The following TENM1 variants were observed in gnomAD, a reference collection of about 807,000 sequenced individuals.
TENM1 encodes teneurin-1.
Under a neutral mutation model 174.8 loss-of-function variants are expected in TENM1, and 35 were observed. That is an observed-to-expected ratio of 0.20 (90% CI 0.15 to 0.27). TENM1 has a LOEUF of 0.27. TENM1 is among the 10% of genes least tolerant of loss of function. The pLI, the probability that TENM1 is intolerant of heterozygous loss-of-function variation, is 1.00. For synonymous variants in TENM1, 781 were observed against 798.7 expected (o/e 0.98, Z 0.37); for missense variants, 1,633 against 2,130.1 (o/e 0.77, Z 4.59).
At chrX:124,939,156 C>G (rs1401233122) in intron 1 of TENM1, among the ~76,000 whole-genome samples, 4 of 112,086 alleles carry the variant, frequency 3.6e-5, no homozygotes, top group Admixed American at 9.5e-5. Flanking sequence ...GACATTACAA[C>G]ACCTTTGACT....
the TENM1 span, among the ~76,000 whole-genome samples, chrX:125,158,352 A>G: frequency 2.1e-5 from 2 of 97,256 alleles, no homozygotes; most frequent in African/African-American, 3.8e-5. Context: ...GCAGTGAGCC[A>G]AGATCATGCC....
In TENM1 at chrX:124,895,922, A is replaced by C. The variant is rs1270314390; in HGVS notation, c.478+59T>G. On this transcript the variant is annotated intron_variant, in intron 2 of 31. Coordinates refer to ENST00000422452, the Ensembl canonical transcript of TENM1. ...CAGATATAGGGAAGGAGAACAAAGCAAAGGCTAAAAACTGCATTCTTTCTG... is the reference window on the plus strand; with the variant it reads ...CAGATATAGGGAAGGAGAACAAAGCCAAGGCTAAAAACTGCATTCTTTCTG... The C allele has an allele frequency of 4.4e-5, 51 of 1,167,063 alleles. No homozygotes were observed. In the South Asian group the frequency reaches 8.7e-4, roughly 20 times the overall value.
chrX:124,380,755 G>A lies in TENM1; in HGVS notation c.7980C>T (p.Arg2660=), dbSNP rs139883667. The stretch of plus-strand genomic sequence containing the variant: ...CCTTAGTCCAGGCCTGGGCCACTGC[G>A]CGCTGTCTGGCAATCTCCAACACGT... The change falls in exon 32 of 32, where the codon CGC becomes CGT. Residue 2660 remains arginine, a synonymous_variant. Coordinates refer to ENST00000422452, the Ensembl canonical transcript of TENM1. 2.0e-4 allele frequency: 246 copies of A among 1,209,397 alleles called. No homozygotes were observed. The highest frequency in any genetic ancestry group is 2.0e-3 in the African/African-American group (112 of 57,164).
At chrX:124,785,150 T>C (rs2055005791) in intron 3 of TENM1, among the ~76,000 whole-genome samples, 1 of 111,645 alleles carries the variant, frequency 9.0e-6, no homozygotes, top group Non-Finnish European at 1.9e-5. Context: ...GAATAAAATG[T>C]AATGAATGAG....
At chrX:124,746,697 C>T (rs926117318) in intron 3 of TENM1, among the ~76,000 whole-genome samples, 6 of 111,793 alleles carry the variant, frequency 5.4e-5, no homozygotes, top group Admixed American at 9.5e-5. Flanking sequence ...CATGTAGCCT[C>T]AAACTATGTG....
chrX:124,575,971 C>A (rs760669163), intron 11 of TENM1, among the ~76,000 whole-genome samples: 1 of 111,987 alleles, frequency 8.9e-6, no homozygotes, highest in Non-Finnish European at 1.9e-5. Flanking sequence ...CCTCAAATGC[C>A]AAAGAATGTT....
chrX:124,587,321 G>A (rs1236698791), intron 11 of TENM1, among the ~76,000 whole-genome samples: 1 of 109,552 alleles, frequency 9.1e-6, no homozygotes, highest in Non-Finnish European at 1.9e-5. Context: ...AAACAGCATG[G>A]TACTGGTACC....
intron 23 of TENM1, among the ~76,000 whole-genome samples, chrX:124,446,845 A>T: frequency 8.9e-6 from 1 of 112,463 alleles, no homozygotes; most frequent in Non-Finnish European, 1.9e-5. Flanking sequence ...TTTGCTTGAA[A>T]AGTTTCAAAA....
At chrX:124,591,794 T>A (rs1260955407) in intron 11 of TENM1, among the ~76,000 whole-genome samples, 2 of 112,374 alleles carry the variant, frequency 1.8e-5, no homozygotes, top group Non-Finnish European at 3.8e-5. Flanking sequence ...AAGAAATATT[T>A]TTGAATTATT....
intron 11 of TENM1, among the ~76,000 whole-genome samples, chrX:124,620,427 G>A (rs763382867): frequency 1.2e-4 from 13 of 111,798 alleles, no homozygotes; most frequent in South Asian, 7.4e-4. Context: ...GCATCTTTCC[G>A]TTAATTCTGT....
At chrX:125,165,761 T>C in the TENM1 span, among the ~76,000 whole-genome samples, 2 of 111,750 alleles carry the variant, frequency 1.8e-5, no homozygotes, top group South Asian at 3.7e-4. Flanking sequence ...GTTCACTATA[T>C]AGTTTATCAC....
chrX:125,003,561 G>T, the TENM1 span, among the ~76,000 whole-genome samples: 1 of 111,458 alleles, frequency 9.0e-6, no homozygotes, highest in Non-Finnish European at 1.9e-5. Flanking sequence ...AAAGCCTCAA[G>T]GGGAAAGAGT....
the TENM1 span, among the ~76,000 whole-genome samples, chrX:125,151,628 A>T: frequency 8.9e-6 from 1 of 112,354 alleles, no homozygotes; most frequent in Admixed American, 9.4e-5. Context: ...TTTACATTGA[A>T]AAATGATTGT....
chrX:124,819,613 G>A (rs1415747404), intron 3 of TENM1, among the ~76,000 whole-genome samples: 1 of 110,906 alleles, frequency 9.0e-6, no homozygotes, highest in Non-Finnish European at 1.9e-5. Flanking sequence ...TACGGCGTGA[G>A]AGGGTGGGGG....
chrX:124,585,951 T>G lies in TENM1; in HGVS notation c.2078-20391A>C, dbSNP rs2049494717. Among the ~76,000 whole-genome samples, 3 of 110,434 alleles carry G rather than the reference T, an allele frequency of 2.7e-5. No homozygotes were observed. In the South Asian group the frequency reaches 1.1e-3, roughly 42 times the overall value. ...AGAAAATCTAGAAGAGATGGATAAATTCCTCGACACATACACCCTCCCAAG... is the reference window on the plus strand; with the variant it reads ...AGAAAATCTAGAAGAGATGGATAAAGTCCTCGACACATACACCCTCCCAAG... On this transcript the variant is annotated intron_variant, in intron 11 of 31. Coordinates refer to ENST00000422452, the Ensembl canonical transcript of TENM1.
chrX:125,104,697 A>C, the TENM1 span, among the ~76,000 whole-genome samples: 1 of 111,234 alleles, frequency 9.0e-6, no homozygotes, highest in African/African-American at 3.3e-5. Flanking sequence ...AATATTCACA[A>C]TTTGATTACT....
At chrX:125,027,329 C>T in the TENM1 span, among the ~76,000 whole-genome samples, 2 of 111,160 alleles carry the variant, frequency 1.8e-5, no homozygotes, top group Non-Finnish European at 3.8e-5. Context: ...TTAACGAAGG[C>T]TGAAACAGAA....
At chrX:124,532,103 A>G (rs1884745180) in intron 15 of TENM1, among the ~76,000 whole-genome samples, 1 of 111,573 alleles carries the variant, frequency 9.0e-6, no homozygotes, top group African/African-American at 3.3e-5. Flanking sequence ...GGTGGGGGTT[A>G]GTTATTACCT....
chrX:124,738,784 G>T (rs1175379276), intron 3 of TENM1, among the ~76,000 whole-genome samples: 1 of 111,718 alleles, frequency 9.0e-6, no homozygotes, highest in African/African-American at 3.3e-5. Context: ...ACTCAAAGAA[G>T]CATAGAATGT....
Sources: gnomAD v4.1 joint callset for allele counts (sites outside exome capture counted in the v4.1 genomes callset) on GRCh38, gnomAD v4.1.1 for gene constraint, MANE v1.5 for transcripts, NCBI Gene and HGNC (gene_info 2026-07-23, HGNC 2026-07-21) for gene names.